Variants in NEK1 observed in about 807,000 individuals in gnomAD.
The protein encoded by NEK1 is NIMA related kinase 1, also known as serine/threonine-protein kinase Nek1.
Under a neutral mutation model 182.1 loss-of-function variants are expected in NEK1, and 137 were observed. The ratio of observed to expected loss-of-function variants is 0.75; its 90% CI spans 0.65 to 0.87. NEK1 has a LOEUF of 0.87. Ranked by LOEUF, NEK1 falls within the 40% of genes least tolerant of loss-of-function variation. The probability of loss-of-function intolerance (pLI) is 0.00; values close to 1 mark genes in which losing one functional copy is unlikely to be tolerated. For missense variants in NEK1, 1,391 were observed against 1,494.4 expected (o/e 0.93, Z 1.14); for synonymous variants, 513 against 492.2 (o/e 1.04, Z -0.56).
chr4:169,471,009 G>A (rs936981523), intron 26 of NEK1, among the ~76,000 whole-genome samples: 4 of 152,104 alleles, frequency 2.6e-5, no homozygotes, highest in Non-Finnish European at 5.9e-5. Flanking sequence ...GGTTATTCTA[G>A]TGATAGTTCC....
chr4:169,527,513 C>A (rs1338764736), intron 19 of NEK1, among the ~76,000 whole-genome samples: 1 of 151,940 alleles, frequency 6.6e-6, no homozygotes, highest in Non-Finnish European at 1.5e-5. Flanking sequence ...GACAACTATA[C>A]CATAAAGGGG....
intron 2 of NEK1, among the ~76,000 whole-genome samples, chr4:169,610,675 C>T (rs1274096704): frequency 2.0e-5 from 3 of 152,166 alleles, no homozygotes; most frequent in African/African-American, 7.2e-5. Context: ...TTGTGAGCCA[C>T]ATATAAACAA....
intron 18 of NEK1, 34 bp downstream of exon 18, chr4:169,555,686 A>G: frequency 6.2e-7 from 1 of 1,613,278 alleles, no homozygotes. Flanking sequence ...AAAATTACAC[A>G]CATGGATGAA....
At chr4:169,461,636 G>A (rs1301787084) in intron 27 of NEK1, among the ~76,000 whole-genome samples, 2 of 152,228 alleles carry the variant, frequency 1.3e-5, no homozygotes, top group East Asian at 3.9e-4. Context: ...CCAATACAGA[G>A]CATATTCTTC....
At chr4:169,498,447 A>T (rs905850454) in intron 23 of NEK1, among the ~76,000 whole-genome samples, 3 of 152,164 alleles carry the variant, frequency 2.0e-5, no homozygotes, top group Admixed American at 1.3e-4. Flanking sequence ...TCCCTTCATT[A>T]TGATGTTAGC....
chr4:169,537,979 T>C, intron 18 of NEK1, 68 bp from the exon 19 acceptor site: 1 of 1,148,102 alleles, frequency 8.7e-7, no homozygotes, highest in Non-Finnish European at 1.2e-6. Context: ...AAAAATTACA[T>C]TTATCCTAAA....
At chr4:169,567,832 A>G (rs550774859) in intron 12 of NEK1, among the ~76,000 whole-genome samples, 3 of 152,380 alleles carry the variant, frequency 2.0e-5, no homozygotes, top group South Asian at 2.1e-4. Flanking sequence ...CAAAACATTT[A>G]TAACTACCAT....
At position 169,603,332 on chromosome 4, in the gene NEK1, C is replaced by G. The variant is rs143387167; in HGVS notation, c.-48-654G>C. Among the ~76,000 whole-genome samples, 71 of 152,188 alleles carry G rather than the reference C, an allele frequency of 4.7e-4. No homozygotes were observed. The East Asian group carries it at 0.011, about 24-fold the overall frequency. On this transcript the variant is annotated intron_variant, in intron 2 of 35. Coordinates refer to ENST00000507142, the MANE Select transcript of NEK1 (RefSeq NM_001199397.3). ...ATGTTTACTGTAATGTCATTTATAA[C>G]AACAAAACACTGGTTGTTATTTATT...
At chr4:169,551,047 C>T (rs1009040510) in intron 18 of NEK1, among the ~76,000 whole-genome samples, 2 of 152,180 alleles carry the variant, frequency 1.3e-5, no homozygotes, top group African/African-American at 4.8e-5. Context: ...AGAACAGGTC[C>T]TTGCACAAGT....
chr4:169,562,211 A>G lies in NEK1; in HGVS notation c.1021-15T>C. 1.3e-6 allele frequency: 2 copies of G among 1,502,964 alleles called. No homozygotes were observed. Among genetic ancestry groups the G allele is most frequent in the South Asian group, 1.3e-5 (1 of 75,772 alleles). 93.1% of individuals were successfully genotyped at this position (1,502,964 alleles called of 1,614,324 possible). ...GTTTGATGGGCCTGGACAAAAAGTA[A>G]AACTACAAATTAAATAAAGATTTTG... is the stretch of plus-strand genomic sequence containing the variant. On this transcript the variant is annotated splice_polypyrimidine_tract_variant and intron_variant, in intron 12 of 35. Transcript: ENST00000507142.
In NEK1 at chr4:169,577,040, A is replaced by G. The variant is rs756685207; in HGVS notation, c.908T>C (p.Met303Thr). The G allele has an allele frequency of 9.3e-6, 15 of 1,613,614 alleles. No homozygotes were observed. Among genetic ancestry groups the G allele is most frequent in the African/African-American group, 2.7e-5 (2 of 74,942 alleles). The change falls in exon 12 of 36, where the codon ATG becomes ACG. Residue 303 changes from methionine (M) to threonine (T), a missense_variant. Transcript: ENST00000507142. ...AGGCTTTGTAATTTTCTGAGCAGGC[A>G]TAACAGAAATCGAGTTTTGTCCTGA... ...PASGQNSISV[M>T]PAQKITKPAA...
chr4:169,533,356 G>C (rs1339680366), intron 19 of NEK1, among the ~76,000 whole-genome samples: 1 of 152,158 alleles, frequency 6.6e-6, no homozygotes, highest in East Asian at 1.9e-4. Flanking sequence ...TCTTCCCAGG[G>C]AGTCACCCAA....
chr4:169,567,404 A>AT (rs1259687935), intron 12 of NEK1, among the ~76,000 whole-genome samples: 89 of 148,900 alleles, frequency 6.0e-4, no homozygotes, highest in Non-Finnish European at 9.4e-4. Context: ...TGAAAAAAAA[A>AT]ATTTTTTTTT....
chr4:169,475,559 T>C (rs1746790101), intron 26 of NEK1, among the ~76,000 whole-genome samples: 1 of 152,064 alleles, frequency 6.6e-6, no homozygotes, highest in African/African-American at 2.4e-5. Flanking sequence ...GCAAAATGTC[T>C]GACATCCAAT....
At position 169,555,746 on chromosome 4, in the gene NEK1, C is replaced by T. The variant is rs537736245; in HGVS notation, c.1536G>A (p.Ala512=). 27 of 1,613,692 alleles carry T rather than the reference C, an allele frequency of 1.7e-5. No individual in the cohort carries two copies. In the East Asian group the frequency reaches 2.5e-4, roughly 15 times the overall value. ...DIRKTLKRLK[A]VSKQANANRQ... is the part of the protein sequence containing the mutation. ...TGTTTGCATTGGCTTGTTTAGACAC[C>T]GCCTTCAATCTTTTCAAAGTTTTTC... Residue 512 remains alanine, a synonymous_variant, in exon 18 of 36, where the codon GCG becomes GCA. Transcript: ENST00000507142.
At position 169,479,546 on chromosome 4, in the gene NEK1, G is replaced by A. The variant is rs1389504307; in HGVS notation, c.2008-12C>T. 1.3e-6 allele frequency: 2 copies of A among 1,582,176 alleles called. No homozygotes were observed. Among genetic ancestry groups the A allele is most frequent in the Non-Finnish European group, 1.7e-6 (2 of 1,163,640 alleles). On this transcript the variant is annotated splice_polypyrimidine_tract_variant and intron_variant, in intron 23 of 35. Coordinates refer to ENST00000507142, the MANE Select transcript of NEK1 (RefSeq NM_001199397.3). ...CCTTTAGCCACCAACTATAAAAAAGGATTTTATTAAATACATTAGGGATTT... is the reference window on the plus strand; with the variant it reads ...CCTTTAGCCACCAACTATAAAAAAGAATTTTATTAAATACATTAGGGATTT...
intron 19 of NEK1, among the ~76,000 whole-genome samples, chr4:169,535,423 C>A (rs1243114078): frequency 1.3e-5 from 2 of 150,826 alleles, no homozygotes; most frequent in Non-Finnish European, 3.0e-5. Context: ...CTTGAAGACA[C>A]AGCAATAGAA....
At chr4:169,524,840 A>G (rs1269919679) in intron 19 of NEK1, among the ~76,000 whole-genome samples, 1 of 152,244 alleles carries the variant, frequency 6.6e-6, no homozygotes, top group Non-Finnish European at 1.5e-5. Flanking sequence ...CAGTGTCCAT[A>G]AACGGTGTAC....
chr4:169,558,777 C>T (rs558530342), intron 16 of NEK1, among the ~76,000 whole-genome samples: 1 of 152,182 alleles, frequency 6.6e-6, no homozygotes, highest in East Asian at 1.9e-4. Flanking sequence ...TTTGCAGATA[C>T]TAAATAATCA....
Sources: gnomAD v4.1 joint callset for allele counts (sites outside exome capture counted in the v4.1 genomes callset) on GRCh38, gnomAD v4.1.1 for gene constraint, MANE v1.5 for transcripts, NCBI Gene and HGNC (gene_info 2026-07-23, HGNC 2026-07-21) for gene names.